CSMD3: variants seen among roughly 807,000 people sequenced by gnomAD.
CSMD3 encodes CUB and sushi domain-containing protein 3.
CSMD3 carries 177 observed loss-of-function variants against 435.2 expected under a neutral mutation model. That is an observed-to-expected ratio of 0.41 (90% CI 0.36 to 0.46). The LOEUF (loss-of-function observed/expected upper bound fraction) is 0.46, where lower values mean the gene tolerates loss of function less well. Ranked by LOEUF, CSMD3 falls within the 20% of genes least tolerant of loss-of-function variation. The probability of loss-of-function intolerance (pLI) is 0.34; values close to 1 mark genes in which losing one functional copy is unlikely to be tolerated. For missense variants in CSMD3, 4,265 were observed against 4,504.6 expected (o/e 0.95, Z 1.52); for synonymous variants, 1,656 against 1,520.5 (o/e 1.09, Z -2.07).
chr8:112,233,990 T>C (rs1813328599), intron 68 of CSMD3, among the ~76,000 whole-genome samples: 1 of 152,154 alleles, frequency 6.6e-6, no homozygotes, highest in Non-Finnish European at 1.5e-5. Context: ...TTCCAAAGAT[T>C]GAATTATATT....
At chr8:112,770,550 C>A (rs2132192840) in intron 13 of CSMD3, among the ~76,000 whole-genome samples, 1 of 152,026 alleles carries the variant, frequency 6.6e-6, no homozygotes, top group South Asian at 2.1e-4. Context: ...CGGACTAAGA[C>A]AACCACATTT....
intron 22 of CSMD3, among the ~76,000 whole-genome samples, chr8:112,623,537 T>G (rs1011000590): frequency 1.8e-4 from 28 of 152,136 alleles, no homozygotes; most frequent in Non-Finnish European, 3.8e-4. Flanking sequence ...TATTATACTT[T>G]AAGTTTTAGG....
chr8:112,798,038 A>T (rs2132319921), intron 13 of CSMD3, among the ~76,000 whole-genome samples: 1 of 152,026 alleles, frequency 6.6e-6, no homozygotes, highest in South Asian at 2.1e-4. Flanking sequence ...TTTTCTATTT[A>T]GTTATATAAT....
chr8:113,019,032 A>T (rs1455971887), intron 6 of CSMD3, 35 bp downstream of exon 6: 1 of 1,284,480 alleles, frequency 7.8e-7, no homozygotes, highest in Non-Finnish European at 1.1e-6. Flanking sequence ...ATTATTTTAC[A>T]TATCAAAAGA....
intron 9 of CSMD3, among the ~76,000 whole-genome samples, chr8:112,944,687 T>C (rs556164086): frequency 6.6e-6 from 1 of 151,606 alleles, no homozygotes; most frequent in South Asian, 2.1e-4. Flanking sequence ...CAAAACACAG[T>C]CTTCTGTCCT....
intron 4 of CSMD3, among the ~76,000 whole-genome samples, chr8:113,107,641 A>AAAAAC (rs1330014292): frequency 2.6e-5 from 4 of 152,172 alleles, no homozygotes; most frequent in African/African-American, 4.8e-5. Context: ...GTATTTATTG[A>AAAAAC]AAAACAAAAC....
chr8:113,174,193 CAGAT>C (rs2092313781), intron 3 of CSMD3, among the ~76,000 whole-genome samples: 4 of 152,070 alleles, frequency 2.6e-5, no homozygotes, highest in Admixed American at 2.6e-4. Flanking sequence ...AATATTTACT[CAGAT>C]AAGTAAAACT....
intron 11 of CSMD3, among the ~76,000 whole-genome samples, chr8:112,853,485 C>T (rs1172291711): frequency 6.6e-6 from 1 of 152,210 alleles, no homozygotes; most frequent in Admixed American, 6.5e-5. Flanking sequence ...TTCAGCATAT[C>T]AAAGTGTTTG....
intron 13 of CSMD3, among the ~76,000 whole-genome samples, chr8:112,775,396 T>A (rs1031673307): frequency 1.3e-5 from 2 of 151,914 alleles, no homozygotes; most frequent in South Asian, 4.1e-4. Flanking sequence ...ATCACATAAA[T>A]TGTGATTTAA....
rs947868032 is a variant in CSMD3, at chr8:112,312,627, T to C, written c.7696+1279A>G. Among the ~76,000 whole-genome samples, 87 of 152,292 alleles carry C rather than the reference T, an allele frequency of 5.7e-4. 1 individual carries two copies. The highest frequency in any genetic ancestry group is 6.8e-3 in the Middle Eastern group (2 of 294). The stretch of plus-strand genomic sequence containing the variant: ...TATTTTTGATTTAATAGAAACATTG[T>C]AGGATACAATTATGTACATAGTAGT... On this transcript the variant is annotated intron_variant, in intron 49 of 70. Coordinates refer to ENST00000297405, the MANE Select transcript of CSMD3 (RefSeq NM_198123.2).
At chr8:113,237,570 A>G (rs772082500) in intron 3 of CSMD3, among the ~76,000 whole-genome samples, 18 of 152,194 alleles carry the variant, frequency 1.2e-4, no homozygotes, top group Non-Finnish European at 2.4e-4. Context: ...GTTAGCAGTG[A>G]TAGTAATTTG....
intron 4 of CSMD3, among the ~76,000 whole-genome samples, chr8:113,138,277 G>A (rs2091464587): frequency 1.3e-5 from 2 of 151,296 alleles, no homozygotes; most frequent in Admixed American, 1.3e-4. Context: ...GGCTATTTGA[G>A]GGTCAGTGTC....
intron 4 of CSMD3, among the ~76,000 whole-genome samples, chr8:113,115,498 T>C (rs557367012): frequency 2.6e-5 from 4 of 152,302 alleles, no homozygotes; most frequent in South Asian, 4.1e-4. Flanking sequence ...TTCTACGTTA[T>C]AGCATAATAG....
At chr8:113,145,266 T>G (rs575115736) in intron 4 of CSMD3, among the ~76,000 whole-genome samples, 1 of 151,662 alleles carries the variant, frequency 6.6e-6, no homozygotes, top group East Asian at 2.0e-4. Flanking sequence ...TGTAATGCAA[T>G]CACAGTGTTT....
rs1276765555 is a variant in CSMD3 at position 113,436,842 on chromosome 8, G to T, written c.13C>A (p.Arg5Ser). The change falls in exon 1 of 71, where the codon CGC (arginine) becomes AGC (serine). Residue 5 changes from arginine to serine, a missense_variant. This residue lies in a region of CSMD3 where 731 missense variants were observed against 755.4 expected (regional missense o/e 0.97). Coordinates refer to ENST00000297405, the MANE Select transcript of CSMD3 (RefSeq NM_198123.2). ...TCCTTTGCTCGGCTTTCCCCTTTGC[G>T]GATCCCTTTCATATTATTCGCGAGC... MKGI[R>S]KGESRAKESK... The T allele has an allele frequency of 2.5e-5, 41 of 1,614,012 alleles. No homozygotes were observed. The highest frequency in any genetic ancestry group is 3.5e-5 in the Non-Finnish European group (41 of 1,180,024).
intron 32 of CSMD3, among the ~76,000 whole-genome samples, chr8:112,470,962 A>G (rs1818465827): frequency 6.6e-6 from 1 of 152,220 alleles, no homozygotes; most frequent in South Asian, 2.1e-4. Flanking sequence ...TCAACGTAGC[A>G]GTTTTTTTAT....
chr8:112,685,835 G>T (rs2075998462), intron 14 of CSMD3, 103 bp from the exon 15 acceptor site: 1 of 771,938 alleles, frequency 1.3e-6, no homozygotes, highest in South Asian at 1.6e-5. Flanking sequence ...AGCAGTATAA[G>T]ATAATATTAA....
At chr8:112,985,550 C>A (rs546115851) in intron 6 of CSMD3, among the ~76,000 whole-genome samples, 1 of 152,136 alleles carries the variant, frequency 6.6e-6, no homozygotes, top group Non-Finnish European at 1.5e-5. Context: ...CACCAACCCC[C>A]AGGCCACGGA....
intron 49 of CSMD3, among the ~76,000 whole-genome samples, chr8:112,312,937 A>C (rs1469894941): frequency 6.6e-6 from 1 of 152,184 alleles, no homozygotes; most frequent in African/African-American, 2.4e-5. Flanking sequence ...CCAATGACAC[A>C]TGATTTGGGA....
Sources: gnomAD v4.1 joint callset for allele counts (sites outside exome capture counted in the v4.1 genomes callset) on GRCh38, gnomAD v4.1.1 for gene constraint, gnomAD v4.1.1 regional missense constraint, MANE v1.5 for transcripts, NCBI Gene and HGNC (gene_info 2026-07-23, HGNC 2026-07-21) for gene names.